SLC24A2: variants seen among roughly 807,000 people sequenced by gnomAD.
SLC24A2 encodes solute carrier family 24 member 2.
Under a neutral mutation model 62.0 loss-of-function variants are expected in SLC24A2, and 36 were observed. The ratio of observed to expected loss-of-function variants is 0.58; its 90% CI spans 0.44 to 0.77. The LOEUF (loss-of-function observed/expected upper bound fraction) is 0.77, where lower values mean the gene tolerates loss of function less well. Among genes scored for constraint, SLC24A2 ranks in the 30% least tolerant of loss-of-function variants. SLC24A2 has a pLI of 0.00. For synonymous variants in SLC24A2, 358 were observed against 294.0 expected, an observed-to-expected ratio of 1.22 and a Z score of -2.23; for missense variants, 846 against 817.9, an observed-to-expected ratio of 1.03 and a Z score of -0.42.
the SLC24A2 span, among the ~76,000 whole-genome samples, chr9:20,243,825 G>A: frequency 6.6e-6 from 1 of 152,156 alleles, no homozygotes; most frequent in Admixed American, 6.5e-5. Context: ...CCATTTTTGA[G>A]GCAGGCTCTG....
At chr9:19,587,566 G>T (rs1217103739) in intron 5 of SLC24A2, among the ~76,000 whole-genome samples, 1 of 152,152 alleles carries the variant, frequency 6.6e-6, no homozygotes. Flanking sequence ...ACTAAAATGA[G>T]ATGATTAGGT....
At chr9:20,128,031 C>T in the SLC24A2 span, among the ~76,000 whole-genome samples, 1 of 152,058 alleles carries the variant, frequency 6.6e-6, no homozygotes, top group Non-Finnish European at 1.5e-5. Flanking sequence ...AATTCCATTC[C>T]TTAAGCCTTT....
At chr9:19,964,222 G>A in the SLC24A2 span, among the ~76,000 whole-genome samples, 2 of 115,314 alleles carry the variant, frequency 1.7e-5, no homozygotes, top group Non-Finnish European at 3.4e-5. Flanking sequence ...ACTGTTGTGG[G>A]GTGGGGGGAG....
chr9:19,562,896 G>A (rs1311468814), intron 7 of SLC24A2, among the ~76,000 whole-genome samples: 6 of 152,164 alleles, frequency 3.9e-5, no homozygotes, highest in Non-Finnish European at 8.8e-5. Context: ...CTTGAGGCCA[G>A]GAGTTTGAGA....
At chr9:19,836,646 G>T in the SLC24A2 span, among the ~76,000 whole-genome samples, 1 of 152,120 alleles carries the variant, frequency 6.6e-6, no homozygotes, top group Non-Finnish European at 1.5e-5. Flanking sequence ...TTCTACCAGA[G>T]GTACAAGGAG....
chr9:20,125,155 T>C, the SLC24A2 span, among the ~76,000 whole-genome samples: 4 of 152,324 alleles, frequency 2.6e-5, no homozygotes, highest in Admixed American at 2.6e-4. Context: ...GCTGTGAGAT[T>C]TTTTTAAAAT....
chr9:20,284,844 T>G, the SLC24A2 span, among the ~76,000 whole-genome samples: 1 of 152,164 alleles, frequency 6.6e-6, no homozygotes, highest in Non-Finnish European at 1.5e-5. Context: ...AAAGGATTGT[T>G]TTCCTGAGGA....
intron 5 of SLC24A2, among the ~76,000 whole-genome samples, chr9:19,591,895 C>T (rs115235746): frequency 2.6e-5 from 4 of 152,186 alleles, no homozygotes; most frequent in African/African-American, 9.7e-5. Flanking sequence ...GTGTATGACA[C>T]AATCTCATCC....
At chr9:20,173,696 T>A in the SLC24A2 span, among the ~76,000 whole-genome samples, 6 of 152,096 alleles carry the variant, frequency 3.9e-5, no homozygotes, top group Middle Eastern at 0.017. Context: ...AAATAAATCA[T>A]AGAACACACA....
the SLC24A2 span, among the ~76,000 whole-genome samples, chr9:19,924,609 C>G: frequency 6.6e-6 from 1 of 152,164 alleles, no homozygotes; most frequent in African/African-American, 2.4e-5. Context: ...GAGGGTGTGA[C>G]TCCTCCTTAA....
At chr9:19,585,614 G>C (rs937313508) in intron 5 of SLC24A2, among the ~76,000 whole-genome samples, 2 of 152,156 alleles carry the variant, frequency 1.3e-5, no homozygotes, top group Non-Finnish European at 2.9e-5. Flanking sequence ...CATGTATACT[G>C]AATCATGCAT....
chr9:20,295,376 T>A, the SLC24A2 span, among the ~76,000 whole-genome samples: 1 of 152,190 alleles, frequency 6.6e-6, no homozygotes, highest in Non-Finnish European at 1.5e-5. Flanking sequence ...TGTTTAGAAA[T>A]TAAGTATAGT....
the SLC24A2 span, among the ~76,000 whole-genome samples, chr9:20,124,028 A>T: frequency 6.6e-6 from 1 of 152,228 alleles, no homozygotes. Context: ...CTCATAGAAT[A>T]GCATGAAAAG....
chr9:20,114,023 G>T, the SLC24A2 span, among the ~76,000 whole-genome samples: 1 of 152,152 alleles, frequency 6.6e-6, no homozygotes, highest in Admixed American at 6.6e-5. Flanking sequence ...CACATCGTAG[G>T]AAAAGAGAAT....
chr9:19,972,413 T>G, the SLC24A2 span, among the ~76,000 whole-genome samples: 3 of 152,186 alleles, frequency 2.0e-5, no homozygotes, highest in Non-Finnish European at 2.9e-5. Context: ...TTCCTTATGT[T>G]TTGTATGTGC....
At chr9:19,909,371 T>C in the SLC24A2 span, among the ~76,000 whole-genome samples, 2 of 152,042 alleles carry the variant, frequency 1.3e-5, no homozygotes. Context: ...TTAGGAGATA[T>C]ACCTAATGTA....
the SLC24A2 span, among the ~76,000 whole-genome samples, chr9:20,202,050 GGTGTGTGTGTGT>G: frequency 1.2e-3 from 174 of 141,780 alleles, no homozygotes; most frequent in African/African-American, 2.9e-3. Context: ...CCCATTTCAT[GGTGTGTGTGTGT>G]GTGTGTGTGT....
At chr9:20,015,883 TTA>T in the SLC24A2 span, among the ~76,000 whole-genome samples, 1 of 152,322 alleles carries the variant, frequency 6.6e-6, no homozygotes, top group East Asian at 1.9e-4. Flanking sequence ...AATGTCCCAC[TTA>T]ACATCCCATT....
At chr9:19,817,026 T>A in the SLC24A2 span, among the ~76,000 whole-genome samples, 2 of 152,158 alleles carry the variant, frequency 1.3e-5, no homozygotes, top group Non-Finnish European at 2.9e-5. Flanking sequence ...GAAAAAGGAA[T>A]GAATGCAATT....
Sources: allele counts gnomAD v4.1 joint callset (sites outside exome capture counted in the v4.1 genomes callset), GRCh38; gene constraint gnomAD v4.1.1; transcripts MANE v1.5; gene names NCBI Gene and HGNC (gene_info 2026-07-23, HGNC 2026-07-21).